The following NTM variants were observed in gnomAD, a reference collection of about 807,000 sequenced individuals.
NTM encodes neurotrimin.
Under a neutral mutation model 42.1 loss-of-function variants are expected in NTM, and 13 were observed. The observed-to-expected ratio is 0.31, with a 90% confidence interval of 0.20 to 0.49. The LOEUF (loss-of-function observed/expected upper bound fraction) is 0.49. Ranked by LOEUF, NTM falls within the 20% of genes least tolerant of loss-of-function variation. The pLI, the probability that NTM is intolerant of heterozygous loss-of-function variation, is 0.99. For missense variants in NTM, 373 were observed against 452.8 expected, an observed-to-expected ratio of 0.82 and a Z score of 1.60; for synonymous variants, 187 against 179.2, an observed-to-expected ratio of 1.04 and a Z score of -0.35.
intron 1 of NTM, among the ~76,000 whole-genome samples, chr11:131,908,023 G>GC (rs1396806010): frequency 6.6e-6 from 1 of 152,214 alleles, no homozygotes; most frequent in African/African-American, 2.4e-5. Flanking sequence ...TTTGAATAAA[G>GC]TTTGGATCCC....
intron 1 of NTM, among the ~76,000 whole-genome samples, chr11:131,573,083 G>C (rs914934865): frequency 7.9e-5 from 12 of 152,166 alleles, no homozygotes; most frequent in Admixed American, 7.9e-4. Flanking sequence ...CAAGGCCCTG[G>C]AGAATCCCTA....
At chr11:132,290,425 A>G (rs1364084084) in intron 4 of NTM, among the ~76,000 whole-genome samples, 1 of 152,188 alleles carries the variant, frequency 6.6e-6, no homozygotes, top group Non-Finnish European at 1.5e-5. Flanking sequence ...TGGGTTATTA[A>G]AGAACTTAAT....
At chr11:131,710,398 G>A (rs953753475) in intron 1 of NTM, among the ~76,000 whole-genome samples, 7 of 152,078 alleles carry the variant, frequency 4.6e-5, no homozygotes, top group South Asian at 4.2e-4. Context: ...CTCACCAAGC[G>A]GGTCCATGTT....
intron 3 of NTM, among the ~76,000 whole-genome samples, chr11:132,203,980 C>T (rs1239318886): frequency 3.3e-5 from 5 of 152,126 alleles, no homozygotes; most frequent in African/African-American, 1.2e-4. Context: ...TCCTTGACTC[C>T]TCTGAGTATC....
At chr11:131,923,885 G>T (rs2057571241) in intron 2 of NTM, among the ~76,000 whole-genome samples, 1 of 152,218 alleles carries the variant, frequency 6.6e-6, no homozygotes, top group African/African-American at 2.4e-5. Context: ...CAGCCACTGG[G>T]TATATGACCT....
At chr11:132,204,493 G>A (rs1166747465) in intron 3 of NTM, among the ~76,000 whole-genome samples, 2 of 152,166 alleles carry the variant, frequency 1.3e-5, no homozygotes, top group Admixed American at 6.5e-5. Flanking sequence ...GCAGGCTGGG[G>A]GTTCTCTTGT....
At chr11:131,533,661 A>G (rs1263918195) in intron 1 of NTM, among the ~76,000 whole-genome samples, 1 of 152,198 alleles carries the variant, frequency 6.6e-6, no homozygotes, top group Non-Finnish European at 1.5e-5. Flanking sequence ...TCGTGGCTAC[A>G]GGATTGTTTT....
intron 2 of NTM, among the ~76,000 whole-genome samples, chr11:132,061,329 A>C (rs1490660526): frequency 6.6e-6 from 1 of 152,226 alleles, no homozygotes; most frequent in East Asian, 1.9e-4. Flanking sequence ...GTCTTTATCA[A>C]CACCTTAGGT....
At chr11:132,101,328 A>G (rs1324243966) in intron 2 of NTM, among the ~76,000 whole-genome samples, 1 of 152,132 alleles carries the variant, frequency 6.6e-6, no homozygotes, top group East Asian at 1.9e-4. Flanking sequence ...CACCTGTGAC[A>G]TCACTCTACC....
intron 2 of NTM, among the ~76,000 whole-genome samples, chr11:131,934,636 C>T (rs78493164): frequency 0.13 from 20,394 of 152,124 alleles, 1,510 homozygotes; most frequent in East Asian, 0.22. Flanking sequence ...AGTGCTGTGA[C>T]GGAGGCTGCC....
chr11:132,040,079 C>T (rs2076992413), intron 2 of NTM, among the ~76,000 whole-genome samples: 1 of 147,076 alleles, frequency 6.8e-6, no homozygotes, highest in Non-Finnish European at 1.5e-5. Flanking sequence ...CAGATGCATG[C>T]TACCACGTCC....
chr11:131,389,835 A>G (rs1038090182), intron 1 of NTM, among the ~76,000 whole-genome samples: 2 of 152,178 alleles, frequency 1.3e-5, no homozygotes, highest in Admixed American at 6.5e-5. Flanking sequence ...ACAGAGAGTG[A>G]GTAATCAAAG....
At position 132,212,007 on chromosome 11, in the gene NTM, G is replaced by A. The variant is rs775910023; in HGVS notation, c.401-15G>A. 1 of 1,605,506 alleles carries A rather than the reference G, an allele frequency of 6.2e-7. No homozygotes were observed. The highest frequency in any genetic ancestry group is 8.5e-7 in the Non-Finnish European group (1 of 1,177,058). On this transcript the variant is annotated splice_polypyrimidine_tract_variant and intron_variant, in intron 3 of 8. Coordinates refer to ENST00000683400, the MANE Select transcript of NTM (RefSeq NM_001352005.2). ...TCAGGAGGATTTTTATTTTCATTCT[G>A]TCTTGTTTCCACAGTATCTCCCAAA...
intron 1 of NTM, among the ~76,000 whole-genome samples, chr11:131,633,666 CCTCTCTCCCTCCCTCTCT>C (rs2063938429): frequency 1.7e-5 from 1 of 60,486 alleles, no homozygotes; most frequent in Non-Finnish European, 3.7e-5. Flanking sequence ...CCTCTCTCTC[CCTCTCTCCCTCCCTCTCT>C]CTCTCTCTCC....
At chr11:131,834,625 C>CATATATATATATAT (rs10604283) in intron 1 of NTM, among the ~76,000 whole-genome samples, 1,404 of 133,910 alleles carry the variant, frequency 0.01, 11 homozygotes, top group Non-Finnish European at 0.011. Context: ...TATACATATA[C>CATATATATATATAT]ATATATATAT....
intron 1 of NTM, among the ~76,000 whole-genome samples, chr11:131,673,689 G>A (rs1276940191): frequency 6.6e-6 from 1 of 152,174 alleles, no homozygotes; most frequent in East Asian, 1.9e-4. Context: ...TGGTACTAAA[G>A]GGACCTGTAC....
At chr11:131,964,990 C>T (rs889867724) in intron 2 of NTM, among the ~76,000 whole-genome samples, 2 of 151,750 alleles carry the variant, frequency 1.3e-5, no homozygotes. Flanking sequence ...AGGAGCCTGA[C>T]AGAGAGTGAT....
intron 1 of NTM, among the ~76,000 whole-genome samples, chr11:131,509,142 A>T (rs1235759818): frequency 6.6e-6 from 1 of 152,176 alleles, no homozygotes; most frequent in South Asian, 2.1e-4. Flanking sequence ...CACCATGTCA[A>T]ATCTTCCAGG....
At chr11:131,723,176 A>G (rs1255932089) in intron 1 of NTM, among the ~76,000 whole-genome samples, 2 of 152,248 alleles carry the variant, frequency 1.3e-5, no homozygotes, top group Non-Finnish European at 1.5e-5. Context: ...GTTGAAAGTT[A>G]TGAAGCATTA....
Sources: gnomAD v4.1 joint callset for allele counts (sites outside exome capture counted in the v4.1 genomes callset) on GRCh38, gnomAD v4.1.1 for gene constraint, MANE v1.5 for transcripts, NCBI Gene and HGNC (gene_info 2026-07-23, HGNC 2026-07-21) for gene names.